The following GOLGA4 variants were observed in gnomAD, a reference collection of about 807,000 sequenced individuals.
GOLGA4 encodes golgin subfamily A member 4.
A neutral mutation model predicts 265.9 loss-of-function variants in GOLGA4; 169 were observed. The ratio of observed to expected loss-of-function variants is 0.64; its 90% confidence interval spans 0.56 to 0.72. The LOEUF (loss-of-function observed/expected upper bound fraction) is 0.72, where lower values mean the gene tolerates loss of function less well. Ranked by LOEUF, GOLGA4 falls within the 30% of genes least tolerant of loss-of-function variation. The pLI, the probability that GOLGA4 is intolerant of heterozygous loss-of-function variation, is 0.00. For missense variants in GOLGA4, 2,482 were observed against 2,483.4 expected (o/e 1.00, Z 0.01); for synonymous variants, 923 against 855.8 (o/e 1.08, Z -1.37).
chr3:37,298,535 A>G (rs2096884469), intron 7 of GOLGA4, among the ~76,000 whole-genome samples: 1 of 152,226 alleles, frequency 6.6e-6, no homozygotes, highest in Non-Finnish European at 1.5e-5. Flanking sequence ...CTCCTAAATG[A>G]TAATTTCTAA....
At chr3:37,339,934 A>C (rs2097027344) in intron 19 of GOLGA4, among the ~76,000 whole-genome samples, 190 bp from the exon 20 acceptor site, 1 of 152,042 alleles carries the variant, frequency 6.6e-6, no homozygotes, top group Non-Finnish European at 1.5e-5. Flanking sequence ...TTGGTATCAT[A>C]TCTAAGAAAT....
intron 5 of GOLGA4, among the ~76,000 whole-genome samples, chr3:37,291,447 A>G (rs1174059144): frequency 6.6e-6 from 1 of 152,152 alleles, no homozygotes; most frequent in Non-Finnish European, 1.5e-5. Context: ...TCTATTCTCT[A>G]ATTTAAATTA....
At position 37,361,234 on chromosome 3, in the gene GOLGA4, G is replaced by C. The variant is rs746026306; in HGVS notation, c.6664-9G>C. 14 of 1,608,870 alleles carry C rather than the reference G, an allele frequency of 8.7e-6. No homozygotes were observed. In the East Asian group the frequency reaches 2.7e-4, roughly 31 times the overall value. On this transcript the variant is annotated splice_polypyrimidine_tract_variant and intron_variant, in intron 22 of 23. Coordinates refer to ENST00000361924, the MANE Select transcript of GOLGA4 (RefSeq NM_002078.5). ...ACCCAATAAGCTTTTTTTCTTCCTG[G>C]CTTTGTAGTTTACTTCACCTCGCAG... is the stretch of plus-strand genomic sequence containing the variant.
intron 10 of GOLGA4, among the ~76,000 whole-genome samples, chr3:37,307,709 AAATG>A (rs1440891860): frequency 6.6e-6 from 1 of 152,184 alleles, no homozygotes; most frequent in Admixed American, 6.5e-5. Context: ...TTTTGGCACT[AAATG>A]AATAACTGCT....
intron 4 of GOLGA4, among the ~76,000 whole-genome samples, chr3:37,288,437 T>C (rs1221504224): frequency 6.8e-6 from 1 of 147,668 alleles, no homozygotes; most frequent in Non-Finnish European, 1.5e-5. Context: ...AGTGTATGGT[T>C]ACTAATTTAG....
chr3:37,362,618 T>C (rs114863299), intron 23 of GOLGA4, among the ~76,000 whole-genome samples: 5,790 of 151,516 alleles, frequency 0.038, 142 homozygotes, highest in African/African-American at 0.055. Context: ...TTCATTCCTG[T>C]GTCAGCTCCT....
rs773016065 is a variant in GOLGA4, at chr3:37,326,387, G to A, written c.4501G>A (p.Glu1501Lys). The change falls in exon 14 of 24, where the codon GAA becomes AAA. Residue 1501 changes from glutamate (E) to lysine (K), a missense_variant. Transcript: ENST00000361924. Reference protein sequence around the residue: ...QNKRFDCLKGEMEDDKSKMEK... With the variant: ...QNKRFDCLKGKMEDDKSKMEK... ...TAAAAGATTTGATTGTTTAAAGGGT[G>A]AAATGGAAGACGACAAGAGCAAGAT... The A allele has an allele frequency of 1.9e-6, 3 of 1,613,482 alleles. No individual in the cohort carries two copies. The highest frequency in any genetic ancestry group is 1.1e-5 in the South Asian group (1 of 90,982).
At chr3:37,298,708 C>T in intron 7 of GOLGA4, 125 bp from the exon 8 acceptor site, 1 of 664,430 alleles carries the variant, frequency 1.5e-6, no homozygotes, top group South Asian at 2.3e-5. Flanking sequence ...ACAATGACAG[C>T]TTAAAGGTTA....
intron 2 of GOLGA4, among the ~76,000 whole-genome samples, chr3:37,263,804 G>A (rs554470031): frequency 6.6e-6 from 1 of 152,334 alleles, no homozygotes; most frequent in East Asian, 1.9e-4. Flanking sequence ...TATAACTTCA[G>A]TGTTGATTCA....
Position 37,280,145 on chromosome 3 carries a change from G to A in GOLGA4, c.163-1813G>A, listed in dbSNP as rs73825055. 7.1e-3 allele frequency among the ~76,000 whole-genome samples: 1,085 copies of A among 152,210 alleles called. 15 individuals are homozygous for A. The highest frequency in any genetic ancestry group is 0.025 in the African/African-American group (1,018 of 41,520). ...GATATTCTGGTGATACTACTGTGCT[G>A]CTTAGTTACCCTGAACACATTTTGT... is the stretch of plus-strand genomic sequence containing the variant. On this transcript the variant is annotated intron_variant, in intron 2 of 23. Transcript: ENST00000361924.
intron 2 of GOLGA4, among the ~76,000 whole-genome samples, chr3:37,273,370 A>T (rs1278081784): frequency 6.6e-6 from 1 of 152,220 alleles, no homozygotes; most frequent in East Asian, 1.9e-4. Context: ...ACCATACTAC[A>T]ATAGTTTTGC....
chr3:37,275,710 C>A, intron 2 of GOLGA4: 5 of 1,612,160 alleles, frequency 3.1e-6, no homozygotes, highest in Non-Finnish European at 4.2e-6. Context: ...ACGAAGTGGT[C>A]CGCTTTGCCA....
At position 37,324,233 on chromosome 3, in the gene GOLGA4, G is replaced by C. The variant is rs2096963299; in HGVS notation, c.2347G>C (p.Glu783Gln). Residue 783 changes from glutamate (E) to glutamine (Q), a missense_variant, in exon 14 of 24, where the codon GAG becomes CAG. Around this residue, in one of 3 missense-constraint regions of GOLGA4, gnomAD observed 1,536 missense variants for 1,483.7 expected, o/e 1.04. Coordinates refer to ENST00000361924, the MANE Select transcript of GOLGA4 (RefSeq NM_002078.5). ...KEHQAHVENL[E>Q]ADIKRSEGEL... is the part of the protein sequence containing the mutation. Reference sequence around the variant, plus strand: ...GCATCAGGCTCATGTAGAAAATTTAGAGGCAGATATTAAAAGGTCTGAAGG... The same window carrying C: ...GCATCAGGCTCATGTAGAAAATTTACAGGCAGATATTAAAAGGTCTGAAGG... The C allele has an allele frequency of 1.2e-6, 2 of 1,614,054 alleles. No homozygotes were observed.
chr3:37,289,206 A>T (rs1297670164), intron 4 of GOLGA4, 29 bp from the exon 5 acceptor site: 1 of 1,387,424 alleles, frequency 7.2e-7, no homozygotes, highest in East Asian at 2.3e-5. Context: ...TAGCTGTTTA[A>T]CCAGCTTTTT....
chr3:37,254,037 G>A (rs2096741381), intron 2 of GOLGA4, among the ~76,000 whole-genome samples: 1 of 151,274 alleles, frequency 6.6e-6, no homozygotes, highest in African/African-American at 2.4e-5. Flanking sequence ...AAAAATGGTA[G>A]CAATCAACAT....
At chr3:37,285,954 G>A in intron 3 of GOLGA4, 60 bp from the exon 4 acceptor site, 1 of 971,678 alleles carries the variant, frequency 1.0e-6, no homozygotes, top group Non-Finnish European at 1.6e-6. Flanking sequence ...TTTTTTAGTG[G>A]ACTTTAGAAT....
At chr3:37,291,515 A>T (rs2096864675) in intron 5 of GOLGA4, among the ~76,000 whole-genome samples, 1 of 152,248 alleles carries the variant, frequency 6.6e-6, no homozygotes, top group Non-Finnish European at 1.5e-5. Flanking sequence ...TGACTTAGCT[A>T]GCAGGCCCCA....
intron 16 of GOLGA4, among the ~76,000 whole-genome samples, chr3:37,334,776 G>A (rs1456667773): frequency 6.6e-6 from 1 of 152,102 alleles, no homozygotes; most frequent in Non-Finnish European, 1.5e-5. Context: ...GGGATGAGGA[G>A]AGAGGGAGTG....
intron 6 of GOLGA4, among the ~76,000 whole-genome samples, chr3:37,295,530 G>A (rs2096875931): frequency 6.6e-6 from 1 of 152,174 alleles, no homozygotes; most frequent in African/African-American, 2.4e-5. Flanking sequence ...TTCAGTTAAT[G>A]TTAAGGATAC....
Sources: allele counts gnomAD v4.1 joint callset (sites outside exome capture counted in the v4.1 genomes callset), GRCh38; gene constraint gnomAD v4.1.1; regional missense constraint gnomAD v4.1.1; transcripts MANE v1.5; gene names NCBI Gene and HGNC (gene_info 2026-07-23, HGNC 2026-07-21).